The following HS6ST3 variants were observed in gnomAD, a reference collection of about 807,000 sequenced individuals.
The protein encoded by HS6ST3 is heparan-sulfate 6-O-sulfotransferase 3.
In HS6ST3, 12 loss-of-function variants were observed where a neutral mutation model predicts 36.7. The observed-to-expected ratio is 0.33, with a 90% CI of 0.21 to 0.53. The LOEUF (loss-of-function observed/expected upper bound fraction) is 0.53, where lower values mean the gene tolerates loss of function less well. Ranked by LOEUF, HS6ST3 falls within the 20% of genes least tolerant of loss-of-function variation. The pLI, the probability that HS6ST3 is intolerant of heterozygous loss-of-function variation, is 0.95. For synonymous variants in HS6ST3, 240 were observed against 257.5 expected, an observed-to-expected ratio of 0.93 and a Z score of 0.65; for missense variants, 584 against 640.9, an observed-to-expected ratio of 0.91 and a Z score of 0.96.
chr13:96,168,213 A>G (rs2054170194), intron 1 of HS6ST3, among the ~76,000 whole-genome samples: 1 of 152,132 alleles, frequency 6.6e-6, no homozygotes, highest in Non-Finnish European at 1.5e-5. Flanking sequence ...TGTGCTGTCT[A>G]GAAGGAGGGA....
chr13:96,674,052 T>A (rs1251063076), intron 1 of HS6ST3, among the ~76,000 whole-genome samples: 1 of 152,190 alleles, frequency 6.6e-6, no homozygotes, highest in African/African-American at 2.4e-5. Flanking sequence ...GGTTTGTATT[T>A]GTATCCCTAC....
At chr13:96,256,489 G>A (rs756718570) in intron 1 of HS6ST3, among the ~76,000 whole-genome samples, 1 of 152,196 alleles carries the variant, frequency 6.6e-6, no homozygotes, top group Non-Finnish European at 1.5e-5. Context: ...ACAGGGTTTA[G>A]TATAGTTCTG....
chr13:96,094,808 G>A (rs1301536550), intron 1 of HS6ST3, among the ~76,000 whole-genome samples: 1 of 152,152 alleles, frequency 6.6e-6, no homozygotes, highest in Non-Finnish European at 1.5e-5. Flanking sequence ...GAATAGGATG[G>A]TGGCACATCG....
intron 1 of HS6ST3, among the ~76,000 whole-genome samples, chr13:96,217,549 T>TTC (rs531730578): frequency 6.6e-6 from 1 of 151,880 alleles, no homozygotes; most frequent in African/African-American, 2.4e-5. Context: ...GTAGATGTTA[T>TTC]TCTCTCTCTC....
At position 96,555,959 on chromosome 13, in the gene HS6ST3, T is replaced by A. The variant is rs552926857; in HGVS notation, c.708-276531T>A. 2.4e-4 allele frequency among the ~76,000 whole-genome samples: 36 copies of A among 152,284 alleles called. 2 individuals are homozygous for A. In the South Asian group the frequency reaches 6.4e-3, roughly 27 times the overall value. On this transcript the variant is annotated intron_variant, in intron 1 of 1. Transcript: ENST00000376705. ...ATTCTGGACTTTTTAACAGGAAAAT[T>A]GCTTGGAACAATTTATTTCCCCAGA... is the stretch of plus-strand genomic sequence containing the variant.
At chr13:96,460,277 G>A (rs1488482704) in intron 1 of HS6ST3, among the ~76,000 whole-genome samples, 1 of 152,150 alleles carries the variant, frequency 6.6e-6, no homozygotes, top group Non-Finnish European at 1.5e-5. Context: ...CTATAAGATA[G>A]TACTGGGAAT....
chr13:96,299,952 C>G (rs2054873381), intron 1 of HS6ST3, among the ~76,000 whole-genome samples: 1 of 151,646 alleles, frequency 6.6e-6, no homozygotes, highest in Non-Finnish European at 1.5e-5. Context: ...GCTGGGGAGG[C>G]CTCAGAAAAC....
At chr13:96,427,621 T>C (rs1259869784) in intron 1 of HS6ST3, among the ~76,000 whole-genome samples, 2 of 152,184 alleles carry the variant, frequency 1.3e-5, no homozygotes, top group African/African-American at 4.8e-5. Context: ...TGAGAGTTTT[T>C]GTATATCCTT....
chr13:96,388,098 A>T (rs746116268), intron 1 of HS6ST3, among the ~76,000 whole-genome samples: 5 of 152,224 alleles, frequency 3.3e-5, no homozygotes, highest in Admixed American at 6.5e-5. Flanking sequence ...CTGGAAAATA[A>T]ATGTCAAGGT....
intron 1 of HS6ST3, among the ~76,000 whole-genome samples, chr13:96,751,779 TATAC>T (rs1053016101): frequency 7.8e-4 from 119 of 151,796 alleles, no homozygotes; most frequent in African/African-American, 2.7e-3. Flanking sequence ...TATGTGTACA[TATAC>T]ATATATACAT....
At chr13:96,804,627 T>C (rs753515880) in intron 1 of HS6ST3, among the ~76,000 whole-genome samples, 1 of 152,210 alleles carries the variant, frequency 6.6e-6, no homozygotes, top group Non-Finnish European at 1.5e-5. Flanking sequence ...CATTTTTTTT[T>C]TTAGCGATTG....
intron 1 of HS6ST3, among the ~76,000 whole-genome samples, chr13:96,214,116 C>CATAT (rs1271579673): frequency 6.6e-6 from 1 of 152,202 alleles, no homozygotes; most frequent in Non-Finnish European, 1.5e-5. Context: ...ACTTATCCTA[C>CATAT]ATATGCATGT....
chr13:96,512,978 G>A (rs998471647), intron 1 of HS6ST3, among the ~76,000 whole-genome samples: 1 of 151,850 alleles, frequency 6.6e-6, no homozygotes, highest in African/African-American at 2.4e-5. Flanking sequence ...CATCATAGAT[G>A]TTGTCATCCC....
At chr13:96,619,299 A>G (rs2056485496) in intron 1 of HS6ST3, among the ~76,000 whole-genome samples, 2 of 152,226 alleles carry the variant, frequency 1.3e-5, no homozygotes, top group South Asian at 2.1e-4. Context: ...ATGACATTAA[A>G]TGCAAGTATC....
chr13:96,801,621 C>A (rs1442483739), intron 1 of HS6ST3, among the ~76,000 whole-genome samples: 1 of 151,976 alleles, frequency 6.6e-6, no homozygotes, highest in African/African-American at 2.4e-5. Context: ...GCTGTTGTCC[C>A]TTGAGGGACA....
At chr13:96,752,613 C>T (rs1214214660) in intron 1 of HS6ST3, among the ~76,000 whole-genome samples, 1 of 151,828 alleles carries the variant, frequency 6.6e-6, no homozygotes. Flanking sequence ...TGTGAAAGAC[C>T]TATTCATGTC....
chr13:96,537,821 G>T (rs1206175479), intron 1 of HS6ST3, among the ~76,000 whole-genome samples: 1 of 152,208 alleles, frequency 6.6e-6, no homozygotes, highest in Non-Finnish European at 1.5e-5. Context: ...AGTGTCAGAA[G>T]TGTCTGTTTT....
intron 1 of HS6ST3, among the ~76,000 whole-genome samples, chr13:96,514,380 G>C (rs1390288244): frequency 6.6e-6 from 1 of 152,208 alleles, no homozygotes; most frequent in Non-Finnish European, 1.5e-5. Context: ...TCATTGGGAT[G>C]AATGGAGATG....
At chr13:96,212,747 G>C (rs2054405031) in intron 1 of HS6ST3, among the ~76,000 whole-genome samples, 1 of 152,134 alleles carries the variant, frequency 6.6e-6, no homozygotes, top group Non-Finnish European at 1.5e-5. Flanking sequence ...AAGAATTTGG[G>C]GAGCGGGAAG....
Sources: allele counts gnomAD v4.1 joint callset (sites outside exome capture counted in the v4.1 genomes callset), GRCh38; gene constraint gnomAD v4.1.1; transcripts MANE v1.5; gene names NCBI Gene and HGNC (gene_info 2026-07-23, HGNC 2026-07-21).